GKAP1: variants seen among roughly 807,000 people sequenced by gnomAD.
GKAP1 encodes G kinase-anchoring protein 1.
GKAP1 carries 31 observed loss-of-function variants against 56.7 expected under a neutral mutation model. That is an observed-to-expected ratio of 0.55 (90% CI 0.41 to 0.74). GKAP1 has a LOEUF of 0.74. Ranked by LOEUF, GKAP1 falls within the 30% of genes least tolerant of loss-of-function variation. The pLI, the probability that GKAP1 is intolerant of heterozygous loss-of-function variation, is 0.00. For synonymous variants in GKAP1, 151 were observed against 138.6 expected (o/e 1.09, Z -0.63); for missense variants, 364 against 402.3 (o/e 0.90, Z 0.82).
At chr9:83,804,559 T>G (rs1383150851) in intron 3 of GKAP1, among the ~76,000 whole-genome samples, 3 of 90,526 alleles carry the variant, frequency 3.3e-5, no homozygotes, top group African/African-American at 1.4e-4. Context: ...AGACGCCCCG[T>G]CCGGGAGGGA....
intron 7 of GKAP1, among the ~76,000 whole-genome samples, chr9:83,775,540 C>T (rs1002009769): frequency 6.6e-6 from 1 of 151,960 alleles, no homozygotes; most frequent in Non-Finnish European, 1.5e-5. Context: ...GATGACAGAG[C>T]CTTGGCAGAT....
At chr9:83,799,144 A>T (rs370708410) in intron 4 of GKAP1, 41 bp downstream of exon 4, 2 of 1,583,744 alleles carry the variant, frequency 1.3e-6, no homozygotes, top group African/African-American at 2.7e-5. Flanking sequence ...AAATCCATAA[A>T]TTCAATGAAA....
chr9:83,739,629 T>A lies in GKAP1; in HGVS notation c.*68A>T. ...GCATAGTTTAGCAGTTGCACAGCAT[T>A]AAATATATACAACTTTGCAAAATCC... On this transcript the variant is annotated 3_prime_UTR_variant, in exon 13 of 13. Coordinates refer to ENST00000376371, the MANE Select transcript of GKAP1 (RefSeq NM_025211.4). The A allele has an allele frequency of 7.7e-7, 1 of 1,300,000 alleles. No individual in the cohort carries two copies. Among genetic ancestry groups the A allele is most frequent in the Non-Finnish European group, 1.1e-6 (1 of 924,360 alleles). 80.5% of individuals were successfully genotyped at this position (1,300,000 alleles called of 1,614,324 possible).
chr9:83,796,237 A>C (rs1228798720), intron 4 of GKAP1, among the ~76,000 whole-genome samples: 3 of 151,542 alleles, frequency 2.0e-5, no homozygotes, highest in Admixed American at 1.3e-4. Flanking sequence ...CGGCCTATCA[A>C]CATAATCTCT....
At chr9:83,807,019 T>C (rs1031077000) in intron 2 of GKAP1, among the ~76,000 whole-genome samples, 8 of 152,160 alleles carry the variant, frequency 5.3e-5, no homozygotes, top group African/African-American at 1.9e-4. Context: ...ATATATAAAA[T>C]ACTACCATAG....
intron 5 of GKAP1, among the ~76,000 whole-genome samples, chr9:83,786,314 G>A (rs546633299): frequency 3.9e-5 from 6 of 152,100 alleles, no homozygotes; most frequent in South Asian, 4.2e-4. Context: ...AGGCTGAGGC[G>A]GGCGGATCAC....
intron 2 of GKAP1, among the ~76,000 whole-genome samples, chr9:83,812,351 ATATATATATT>A (rs1944522845): frequency 1.3e-5 from 2 of 148,198 alleles, no homozygotes; most frequent in Non-Finnish European, 3.0e-5. Flanking sequence ...ACACGTATAT[ATATATATATT>A]TTTTTTTAGA....
At chr9:83,775,674 G>C (rs914554947) in intron 7 of GKAP1, among the ~76,000 whole-genome samples, 1 of 151,856 alleles carries the variant, frequency 6.6e-6, no homozygotes, top group Non-Finnish European at 1.5e-5. Context: ...CCAGGAGTTT[G>C]AGACCAGCCT....
chr9:83,811,268 T>G (rs1944502343), intron 2 of GKAP1, among the ~76,000 whole-genome samples: 1 of 152,188 alleles, frequency 6.6e-6, no homozygotes, highest in Non-Finnish European at 1.5e-5. Context: ...AGCTAAGGCT[T>G]TAATCTTTGA....
At chr9:83,754,745 A>T (rs890537937) in intron 8 of GKAP1, among the ~76,000 whole-genome samples, 1 of 152,218 alleles carries the variant, frequency 6.6e-6, no homozygotes, top group African/African-American at 2.4e-5. Flanking sequence ...AGGCCATAAG[A>T]ACAGTCTGCA....
At position 83,739,622 on chromosome 9, in the gene GKAP1, A is replaced by G. The variant is rs1943172895; in HGVS notation, c.*75T>C. On this transcript the variant is annotated 3_prime_UTR_variant, in exon 13 of 13. Transcript: ENST00000376371. ...AAAAACTGCATAGTTTAGCAGTTGC[A>G]CAGCATTAAATATATACAACTTTGC... The G allele has an allele frequency of 1.7e-6, 2 of 1,154,068 alleles. No homozygotes were observed. Among genetic ancestry groups the G allele is most frequent in the Non-Finnish European group, 2.5e-6 (2 of 804,522 alleles). 71.5% of individuals were successfully genotyped at this position (1,154,068 alleles called of 1,614,324 possible).
At chr9:83,779,490 TAC>T (rs1943923534) in intron 7 of GKAP1, among the ~76,000 whole-genome samples, 2 of 90,586 alleles carry the variant, frequency 2.2e-5, no homozygotes, top group Admixed American at 1.2e-4. Context: ...CATACATATA[TAC>T]ACATATACAC....
chr9:83,759,463 T>A (rs148951171), intron 8 of GKAP1, among the ~76,000 whole-genome samples: 2 of 152,070 alleles, frequency 1.3e-5, no homozygotes, highest in African/African-American at 2.4e-5. Context: ...TTAAAAAAAA[T>A]TTATATGAAT....
intron 9 of GKAP1, among the ~76,000 whole-genome samples, chr9:83,751,528 T>C (rs1193628027): frequency 1.3e-5 from 2 of 151,968 alleles, no homozygotes; most frequent in East Asian, 3.9e-4. Flanking sequence ...AATGAGTGGG[T>C]GCAGTCAAAA....
rs1323049955 is a variant in GKAP1, at chr9:83,804,826, G to GC, written c.216+1475dup. On this transcript the variant is annotated intron_variant, in intron 3 of 12. Transcript: ENST00000376371. ...GAGGAGCCCCTCTGCCTGGTCAGCC[G>GC]CCCCGTCCGGGAGGGAGGTGGGGGG... Among the ~76,000 whole-genome samples, 360 of 94,796 alleles carry GC rather than the reference G, an allele frequency of 3.8e-3. 23 individuals are homozygous for GC. Among genetic ancestry groups the GC allele is most frequent in the African/African-American group, 0.018 (346 of 18,730 alleles). 62.2% of individuals were successfully genotyped at this position (94,796 alleles called of 152,430 possible). A position where few individuals can be genotyped will look rare whatever the true frequency, so the allele number is the denominator to read the frequency against.
chr9:83,759,893 G>A (rs570440624), intron 8 of GKAP1, among the ~76,000 whole-genome samples: 10 of 152,068 alleles, frequency 6.6e-5, no homozygotes, highest in African/African-American at 1.9e-4. Flanking sequence ...AGTCTTTAAC[G>A]TCTGCTGACT....
intron 10 of GKAP1, among the ~76,000 whole-genome samples, chr9:83,747,943 A>C (rs1205207203): frequency 6.6e-6 from 1 of 152,106 alleles, no homozygotes; most frequent in Non-Finnish European, 1.5e-5. Flanking sequence ...CCAACTATGT[A>C]GCTTATATCA....
chr9:83,752,711 T>G (rs961145400), intron 9 of GKAP1, among the ~76,000 whole-genome samples: 1 of 152,186 alleles, frequency 6.6e-6, no homozygotes, highest in Admixed American at 6.5e-5. Context: ...ATGTTATATG[T>G]ATTTTACAAC....
chr9:83,784,359 C>T (rs1944027906), intron 6 of GKAP1, among the ~76,000 whole-genome samples: 3 of 152,144 alleles, frequency 2.0e-5, no homozygotes, highest in Admixed American at 1.3e-4. Flanking sequence ...CAGAGCTCCA[C>T]CCTCACAGGT....
Sources: gnomAD v4.1 joint callset for allele counts (sites outside exome capture counted in the v4.1 genomes callset) on GRCh38, gnomAD v4.1.1 for gene constraint, MANE v1.5 for transcripts, NCBI Gene and HGNC (gene_info 2026-07-23, HGNC 2026-07-21) for gene names.